Variants in PCDH7 observed in about 807,000 individuals in gnomAD.
The protein encoded by PCDH7 is protocadherin-7.
Under a neutral mutation model 58.9 loss-of-function variants are expected in PCDH7, and 17 were observed. The ratio of observed to expected loss-of-function variants is 0.29; its 90% CI spans 0.20 to 0.43. The LOEUF is 0.43. Among genes scored for constraint, PCDH7 ranks in the 20% least tolerant of loss-of-function variants. The probability of loss-of-function intolerance (pLI) is 1.00; values close to 1 mark genes in which losing one functional copy is unlikely to be tolerated. For synonymous variants in PCDH7, 664 were observed against 616.4 expected (o/e 1.08, Z -1.14); for missense variants, 1,274 against 1,441.0 (o/e 0.88, Z 1.88).
intron 3 of PCDH7, among the ~76,000 whole-genome samples, chr4:30,994,222 A>G: frequency 6.6e-6 from 1 of 152,158 alleles, no homozygotes; most frequent in African/African-American, 2.4e-5. Flanking sequence ...TTTTGCCTTT[A>G]TGTAAATTAT....
intron 2 of PCDH7, among the ~76,000 whole-genome samples, chr4:30,944,859 T>C (rs894868608): frequency 2.6e-5 from 4 of 152,176 alleles, no homozygotes; most frequent in Admixed American, 6.5e-5. Context: ...TTATTAGCTT[T>C]TATAAAGGAC....
chr4:30,845,678 C>T (rs905007807), intron 1 of PCDH7, among the ~76,000 whole-genome samples: 12 of 152,102 alleles, frequency 7.9e-5, no homozygotes, highest in African/African-American at 2.9e-4. Context: ...CAGCTCACTA[C>T]AAACTCAAAC....
intron 3 of PCDH7, among the ~76,000 whole-genome samples, chr4:31,016,351 A>T (rs1753597103): frequency 6.6e-6 from 1 of 151,250 alleles, no homozygotes; most frequent in Non-Finnish European, 1.5e-5. Flanking sequence ...GAAGCATATG[A>T]CTTACTACAT....
intron 3 of PCDH7, among the ~76,000 whole-genome samples, chr4:30,989,406 T>C (rs2109121239): frequency 6.6e-6 from 1 of 152,338 alleles, no homozygotes; most frequent in South Asian, 2.1e-4. Flanking sequence ...GTGATGGAGC[T>C]GCAGTAATAT....
At chr4:30,959,505 CTAT>C (rs1748183911) in intron 3 of PCDH7, among the ~76,000 whole-genome samples, 1 of 152,118 alleles carries the variant, frequency 6.6e-6, no homozygotes, top group East Asian at 1.9e-4. Context: ...AAAACATGAA[CTAT>C]TATTATTACA....
At chr4:30,876,072 A>G (rs1384188025) in intron 1 of PCDH7, among the ~76,000 whole-genome samples, 2 of 152,262 alleles carry the variant, frequency 1.3e-5, no homozygotes, top group Non-Finnish European at 2.9e-5. Flanking sequence ...CTGTAATATC[A>G]GTAAAGCATT....
At chr4:31,099,627 T>C (rs552473150) in intron 3 of PCDH7, among the ~76,000 whole-genome samples, 85 of 152,294 alleles carry the variant, frequency 5.6e-4, no homozygotes, top group Non-Finnish European at 1.5e-5. Context: ...TTGATTCTTA[T>C]TAAAAGTTGA....
At chr4:30,868,039 A>G (rs1186132212) in intron 1 of PCDH7, among the ~76,000 whole-genome samples, 2 of 152,090 alleles carry the variant, frequency 1.3e-5, no homozygotes, top group African/African-American at 2.4e-5. Flanking sequence ...ATTATCCATC[A>G]TTACATGTCT....
chr4:31,141,343 G>A (rs968379272), intron 3 of PCDH7, among the ~76,000 whole-genome samples: 2 of 152,178 alleles, frequency 1.3e-5, no homozygotes, highest in African/African-American at 2.4e-5. Context: ...ATGATACCAT[G>A]TGATAACAAC....
At chr4:31,005,942 C>T (rs1340646958) in intron 3 of PCDH7, among the ~76,000 whole-genome samples, 1 of 152,212 alleles carries the variant, frequency 6.6e-6, no homozygotes, top group Admixed American at 6.5e-5. Context: ...TCATCACTTA[C>T]TAGCACTGTG....
chr4:30,910,706 C>T (rs77688504), intron 1 of PCDH7, among the ~76,000 whole-genome samples: 11 of 151,948 alleles, frequency 7.2e-5, no homozygotes, highest in South Asian at 4.1e-4. Flanking sequence ...TTACACTGTT[C>T]TTGGGAGCAT....
intron 1 of PCDH7, among the ~76,000 whole-genome samples, chr4:30,796,085 G>T (rs1457408999): frequency 1.3e-5 from 2 of 152,096 alleles, no homozygotes; most frequent in African/African-American, 4.8e-5. Flanking sequence ...GTGTCTATGA[G>T]AAATCCCTTT....
intron 1 of PCDH7, among the ~76,000 whole-genome samples, chr4:30,851,066 CTTGT>C (rs1394653292): frequency 6.6e-6 from 1 of 151,876 alleles, no homozygotes; most frequent in African/African-American, 2.4e-5. Context: ...GGAAATGTGT[CTTGT>C]TTAAGGTGAG....
chr4:30,810,276 C>T (rs184830100), intron 1 of PCDH7, among the ~76,000 whole-genome samples: 33 of 152,104 alleles, frequency 2.2e-4, no homozygotes, highest in Admixed American at 1.6e-3. Context: ...GCTACAATAT[C>T]CATAATAAAC....
At chr4:30,758,950 T>G (rs1222889294) in intron 1 of PCDH7, among the ~76,000 whole-genome samples, 2 of 149,600 alleles carry the variant, frequency 1.3e-5, no homozygotes, top group Non-Finnish European at 3.0e-5. Flanking sequence ...GTTTTTTTTT[T>G]TTTTTTTTTG....
intron 1 of PCDH7, among the ~76,000 whole-genome samples, chr4:30,807,687 C>T (rs1232449088): frequency 2.6e-5 from 4 of 151,556 alleles, no homozygotes; most frequent in South Asian, 2.1e-4. Context: ...GTTCTGGTTG[C>T]GTTTTTAAAG....
intron 2 of PCDH7, among the ~76,000 whole-genome samples, chr4:30,946,245 A>G (rs78926482): frequency 0.026 from 3,984 of 152,290 alleles, 168 homozygotes; most frequent in African/African-American, 0.089. Flanking sequence ...GTATCCTTAC[A>G]CCAGACACAC....
chr4:31,027,582 C>A (rs1754540851), intron 3 of PCDH7, among the ~76,000 whole-genome samples: 1 of 151,918 alleles, frequency 6.6e-6, no homozygotes, highest in African/African-American at 2.4e-5. Flanking sequence ...ACCACCACGC[C>A]CAACTAATTT....
chr4:30,757,420 A>T (rs1323314518), intron 1 of PCDH7, among the ~76,000 whole-genome samples: 1 of 152,206 alleles, frequency 6.6e-6, no homozygotes, highest in African/African-American at 2.4e-5. Flanking sequence ...AATGATTATC[A>T]ATCTGCATTT....
Sources: allele counts gnomAD v4.1 joint callset (sites outside exome capture counted in the v4.1 genomes callset), GRCh38; gene constraint gnomAD v4.1.1; transcripts MANE v1.5; gene names NCBI Gene and HGNC (gene_info 2026-07-23, HGNC 2026-07-21).